Variants in ZNF226 observed in about 807,000 individuals in gnomAD.
ZNF226 encodes Kruppel-associated box protein.
Under a neutral mutation model 11.4 loss-of-function variants are expected in ZNF226, and 6 were observed. That is an observed-to-expected ratio of 0.53 (90% CI 0.29 to 1.04). The LOEUF (loss-of-function observed/expected upper bound fraction) is 1.04, where lower values mean the gene tolerates loss of function less well. ZNF226 is among the 50% of genes least tolerant of loss of function. The pLI is 0.08. For missense variants in ZNF226, 1,058 were observed against 956.5 expected (o/e 1.11, Z -1.40); for synonymous variants, 350 against 322.8 (o/e 1.08, Z -0.90).
the ZNF226 span, among the ~76,000 whole-genome samples, chr19:44,198,891 A>G: frequency 2.0e-5 from 3 of 151,398 alleles, no homozygotes; most frequent in African/African-American, 7.3e-5. Context: ...TGCAACCTCC[A>G]CCTCCAGGGT....
downstream of ZNF226, among the ~76,000 whole-genome samples, chr19:44,182,330 A>G (rs748211183): frequency 6.6e-6 from 1 of 151,502 alleles, no homozygotes; most frequent in Non-Finnish European, 1.5e-5. Context: ...TGCCAGTAGC[A>G]CACGTGATGC....
intron 4 of ZNF226, 36 bp downstream of exon 4, chr19:44,172,250 C>T (rs1426062864): frequency 6.3e-7 from 1 of 1,593,038 alleles, no homozygotes; most frequent in Non-Finnish European, 8.6e-7. Flanking sequence ...TCTTTGTGCC[C>T]TTGGAGTTTT....
Position 44,172,868 on chromosome 19 carries a change from C to T in ZNF226, c.151C>T (p.Pro51Ser). The T allele has an allele frequency of 1.9e-6, 3 of 1,600,540 alleles. No individual in the cohort carries two copies. Among genetic ancestry groups the T allele is most frequent in the Non-Finnish European group, 2.6e-6 (3 of 1,173,376 alleles). The change falls in exon 5 of 6, where the codon CCC becomes TCC. Residue 51 changes from proline (P) to serine (S), a missense_variant. Transcript: ENST00000337433. ...ATTTGGCATTTTCACAGGGCATCCA[C>T]CCTTCAAACAAGATGTATCACCTAT... ...FRNLLSVGHP[P>S]FKQDVSPIER...
the ZNF226 span, among the ~76,000 whole-genome samples, chr19:44,189,790 A>G: frequency 6.6e-6 from 1 of 152,248 alleles, no homozygotes; most frequent in East Asian, 1.9e-4. Flanking sequence ...AAAGCTGTCC[A>G]CAGCATAAAG....
the ZNF226 span, among the ~76,000 whole-genome samples, chr19:44,196,401 A>G: frequency 6.6e-6 from 1 of 152,202 alleles, no homozygotes; most frequent in African/African-American, 2.4e-5. Context: ...CATTTACTAA[A>G]TCCAATCTGG....
the ZNF226 span, among the ~76,000 whole-genome samples, chr19:44,196,590 A>G: frequency 2.0e-3 from 308 of 152,344 alleles, 2 homozygotes; most frequent in African/African-American, 7.0e-3. Flanking sequence ...TACTCTAGAT[A>G]TGAATTTGCC....
At chr19:44,186,483 A>C in the ZNF226 span, among the ~76,000 whole-genome samples, 3 of 152,010 alleles carry the variant, frequency 2.0e-5, no homozygotes, top group Non-Finnish European at 4.4e-5. Context: ...TAGTAAATGA[A>C]ATTTTCTTTT....
the ZNF226 span, among the ~76,000 whole-genome samples, chr19:44,195,812 A>G: frequency 4.6e-5 from 7 of 152,192 alleles, no homozygotes; most frequent in Admixed American, 2.0e-4. Flanking sequence ...CTACGGTGAC[A>G]CCAGTCTTTT....
downstream of ZNF226, chr19:44,177,806 GCTT>G (rs543577232): frequency 1.7e-5 from 18 of 1,065,714 alleles, no homozygotes; most frequent in Non-Finnish European, 2.3e-5. Flanking sequence ...CATAGCAAGG[GCTT>G]CTTTAGTCAG....
chr19:44,181,675 A>G (rs539442751), downstream of ZNF226, among the ~76,000 whole-genome samples: 78 of 152,288 alleles, frequency 5.1e-4, no homozygotes, highest in Middle Eastern at 3.4e-3. Flanking sequence ...GCAGATTCCA[A>G]CAAAGCTGAG....
At chr19:44,179,645 A>G (rs1020637299), downstream of ZNF226, among the ~76,000 whole-genome samples, 5 of 152,174 alleles carry the variant, frequency 3.3e-5, no homozygotes, top group East Asian at 1.9e-4. Context: ...TTAATTCTTG[A>G]CAGACTTACT....
intron 2 of ZNF226, among the ~76,000 whole-genome samples, chr19:44,167,134 C>G (rs570300951): frequency 9.9e-5 from 15 of 152,222 alleles, no homozygotes; most frequent in Non-Finnish European, 2.1e-4. Flanking sequence ...TCCTGAAGAT[C>G]TATTTCTCCC....
At chr19:44,198,291 G>T in the ZNF226 span, among the ~76,000 whole-genome samples, 1 of 151,952 alleles carries the variant, frequency 6.6e-6, no homozygotes, top group African/African-American at 2.4e-5. Flanking sequence ...CTTGACTGTT[G>T]CTTTTGTTTA....
At position 44,176,069 on chromosome 19, in the gene ZNF226, T is replaced by G; in HGVS notation, c.807T>G (p.Leu269=). The G allele has an allele frequency of 1.2e-6, 2 of 1,614,178 alleles. No individual in the cohort carries two copies. Among genetic ancestry groups the G allele is most frequent in the Non-Finnish European group, 1.7e-6 (2 of 1,180,014 alleles). ...KPFSDLSSFD[L]HQQLQSGEKS... Reference sequence around the variant, plus strand: ...TCAGTGATCTCTCCAGCTTTGATCTTCATCAGCAGTTACAATCAGGAGAGA... The same window carrying G: ...TCAGTGATCTCTCCAGCTTTGATCTGCATCAGCAGTTACAATCAGGAGAGA... Residue 269 remains leucine, a synonymous_variant, in exon 6 of 6, where the codon CTT becomes CTG. Transcript: ENST00000337433.
At position 44,177,394 on chromosome 19, in the gene ZNF226, C is replaced by A. The variant is rs765352241; in HGVS notation, c.2132C>A (p.Ala711Asp). Residue 711 changes from alanine to aspartate, a missense_variant, in exon 6 of 6, where the codon GCC becomes GAC. Ala to Asp is a moderately radical substitution (Grantham distance 126). Transcript: ENST00000337433. Reference protein sequence around the residue: ...CGECGKYFSQASSLQLHQSVH... With the variant: ...CGECGKYFSQDSSLQLHQSVH... Reference sequence around the variant, plus strand: ...GAGTGTGGTAAGTACTTCAGTCAGGCCTCAAGTCTTCAACTTCATCAGAGT... The same window carrying A: ...GAGTGTGGTAAGTACTTCAGTCAGGACTCAAGTCTTCAACTTCATCAGAGT... The A allele has an allele frequency of 4.0e-5, 65 of 1,612,136 alleles. No homozygotes were observed. In the East Asian group the frequency reaches 1.4e-3, roughly 34 times the overall value.
chr19:44,170,790 G>C lies in ZNF226; in HGVS notation c.15+695G>C, dbSNP rs1035281941. 6.6e-5 allele frequency among the ~76,000 whole-genome samples: 10 copies of C among 152,034 alleles called. No individual in the cohort carries two copies. The East Asian group carries it at 1.2e-3, about 18-fold the overall frequency. On this transcript the variant is annotated intron_variant, in intron 3 of 5. Transcript: ENST00000337433. ...TAGCCAGGTATGGCGGTGCACACTT[G>C]TAATCCCAGCTACTCAGTTGGCTGA...
chr19:44,191,723 T>G, the ZNF226 span, among the ~76,000 whole-genome samples: 14 of 151,626 alleles, frequency 9.2e-5, no homozygotes, highest in East Asian at 2.7e-3. Flanking sequence ...TTAATCAGAG[T>G]GAAAAGAGAT....
At position 44,172,355 on chromosome 19, in the gene ZNF226, T is replaced by G. The variant is rs1358029292; in HGVS notation, c.142+141T>G. On this transcript the variant is annotated intron_variant, in intron 4 of 5. Coordinates refer to ENST00000337433, the MANE Select transcript of ZNF226 (RefSeq NM_001032373.2). The stretch of plus-strand genomic sequence containing the variant: ...AGAGACACTGGATGTTTCTGGTCTT[T>G]CTGAACAGAATATTTTAGGTCTTTT... 12 of 1,127,548 alleles carry G rather than the reference T, an allele frequency of 1.1e-5. No individual in the cohort carries two copies. The East Asian group carries it at 3.2e-4, about 30-fold the overall frequency. The allele number at this position is 1,127,548 out of a possible 1,614,324, so 69.8% of individuals were successfully genotyped here.
chr19:44,186,830 G>A, the ZNF226 span, among the ~76,000 whole-genome samples: 2 of 150,736 alleles, frequency 1.3e-5, no homozygotes, highest in African/African-American at 4.9e-5. Context: ...TTCATATATG[G>A]CTGTCATTAT....
Sources: allele counts gnomAD v4.1 joint callset (sites outside exome capture counted in the v4.1 genomes callset), GRCh38; gene constraint gnomAD v4.1.1; transcripts MANE v1.5; gene names NCBI Gene and HGNC (gene_info 2026-07-23, HGNC 2026-07-21).